The following NBAS variants were observed in gnomAD, a reference collection of about 807,000 sequenced individuals.
NBAS encodes the protein NAG/BC035112 fusion.
A neutral mutation model predicts 302.5 loss-of-function variants in NBAS; 219 were observed. That is an observed-to-expected ratio of 0.72 (90% CI 0.65 to 0.81). The LOEUF (loss-of-function observed/expected upper bound fraction) is 0.81. NBAS is among the 30% of genes least tolerant of loss of function. The pLI, the probability that NBAS is intolerant of heterozygous loss-of-function variation, is 0.00. For synonymous variants in NBAS, 1,118 were observed against 1,021.6 expected, an observed-to-expected ratio of 1.09 and a Z score of -1.80; for missense variants, 2,932 against 2,841.6, an observed-to-expected ratio of 1.03 and a Z score of -0.72.
intron 47 of NBAS, among the ~76,000 whole-genome samples, chr2:15,219,865 C>G (rs1361390489): frequency 6.9e-6 from 1 of 144,350 alleles, no homozygotes; most frequent in African/African-American, 2.6e-5. Context: ...GGGTCGTGGC[C>G]GGGCAGAGGG....
At chr2:15,304,815 A>G (rs1260471062) in intron 40 of NBAS, among the ~76,000 whole-genome samples, 1 of 152,214 alleles carries the variant, frequency 6.6e-6, no homozygotes, top group Non-Finnish European at 1.5e-5. Context: ...AAATCATTCA[A>G]AAGGTGACTT....
the NBAS span, among the ~76,000 whole-genome samples, chr2:14,891,381 G>A: frequency 3.3e-5 from 5 of 151,670 alleles, no homozygotes; most frequent in African/African-American, 7.3e-5. Flanking sequence ...AACATGAAGC[G>A]GATTTTAATT....
intron 9 of NBAS, among the ~76,000 whole-genome samples, chr2:15,518,372 C>T (rs200071586): frequency 7.2e-5 from 11 of 152,020 alleles, no homozygotes; most frequent in African/African-American, 2.7e-4. Flanking sequence ...ATATCATTAG[C>T]GTTATTTGTT....
chr2:15,180,153 A>G (rs939151861), intron 50 of NBAS: 1 of 152,232 alleles, frequency 6.6e-6, no homozygotes, highest in African/African-American at 2.4e-5. Flanking sequence ...ATTATTATAG[A>G]GCATCAATAA....
chr2:15,202,116 C>T (rs1324713749), intron 48 of NBAS, among the ~76,000 whole-genome samples: 1 of 152,180 alleles, frequency 6.6e-6, no homozygotes, highest in African/African-American at 2.4e-5. Context: ...ACTGCAAACA[C>T]CCCTTGGGAT....
At chr2:14,869,163 C>A in the NBAS span, among the ~76,000 whole-genome samples, 1 of 152,162 alleles carries the variant, frequency 6.6e-6, no homozygotes, top group Non-Finnish European at 1.5e-5. Flanking sequence ...CCTCCCAAGA[C>A]AATTTCCTAT....
chr2:15,286,540 C>T (rs768761992), intron 42 of NBAS, among the ~76,000 whole-genome samples: 1 of 152,206 alleles, frequency 6.6e-6, no homozygotes, highest in South Asian at 2.1e-4. Flanking sequence ...CCAACACTGT[C>T]CATTTGTTCC....
intron 16 of NBAS, among the ~76,000 whole-genome samples, chr2:15,472,579 G>C (rs183207967): frequency 7.3e-4 from 110 of 151,436 alleles, no homozygotes; most frequent in African/African-American, 2.4e-3. Context: ...CAGCTCACTG[G>C]CCCCCCCCAG....
the NBAS span, among the ~76,000 whole-genome samples, chr2:14,873,966 G>T: frequency 6.6e-6 from 1 of 151,900 alleles, no homozygotes; most frequent in South Asian, 2.1e-4. Context: ...TGATAAATCA[G>T]CATAACAGAA....
the NBAS span, among the ~76,000 whole-genome samples, chr2:14,938,306 T>G: frequency 6.6e-6 from 1 of 152,172 alleles, no homozygotes; most frequent in Non-Finnish European, 1.5e-5. Context: ...CAGATACATA[T>G]ACATACACAC....
intron 11 of NBAS, among the ~76,000 whole-genome samples, chr2:15,499,719 G>A (rs1681211664): frequency 6.6e-6 from 1 of 152,100 alleles, no homozygotes; most frequent in Non-Finnish European, 1.5e-5. Flanking sequence ...CATGACACAA[G>A]TTTACCTATA....
the NBAS span, among the ~76,000 whole-genome samples, chr2:14,893,409 T>G: frequency 6.6e-6 from 1 of 152,234 alleles, no homozygotes; most frequent in African/African-American, 2.4e-5. Context: ...TTACATTTTC[T>G]AATTCTTTTT....
At chr2:15,218,707 C>G in intron 48 of NBAS, 66 bp downstream of exon 48, 1 of 1,604,526 alleles carries the variant, frequency 6.2e-7, no homozygotes, top group South Asian at 1.1e-5. Context: ...GGATTACAGG[C>G]GTGAGCAACC....
the NBAS span, among the ~76,000 whole-genome samples, chr2:14,887,457 G>A: frequency 6.7e-6 from 1 of 150,084 alleles, no homozygotes; most frequent in African/African-American, 2.5e-5. Context: ...AAGACAGTGT[G>A]TGAGGAGAAG....
intron 35 of NBAS, among the ~76,000 whole-genome samples, chr2:15,336,380 A>G (rs16862506): frequency 0.022 from 3,276 of 152,284 alleles, 125 homozygotes; most frequent in African/African-American, 0.074. Flanking sequence ...GGATCTATAT[A>G]TAGGTGTAAG....
the NBAS span, among the ~76,000 whole-genome samples, chr2:14,933,914 G>T: frequency 6.6e-6 from 1 of 152,048 alleles, no homozygotes; most frequent in African/African-American, 2.4e-5. Flanking sequence ...GTATTCATGT[G>T]GAAGCTAAAC....
At chr2:14,801,100 C>A in the NBAS span, among the ~76,000 whole-genome samples, 1 of 152,036 alleles carries the variant, frequency 6.6e-6, no homozygotes. Flanking sequence ...CTACTGTCAT[C>A]CTTTAACCAA....
intron 11 of NBAS, among the ~76,000 whole-genome samples, chr2:15,491,624 T>C (rs545154352): frequency 3.3e-5 from 5 of 151,590 alleles, no homozygotes; most frequent in African/African-American, 1.2e-4. Context: ...TAGTCCCAAC[T>C]ACTTGGGAGG....
the NBAS span, among the ~76,000 whole-genome samples, chr2:15,085,766 CA>C: frequency 6.6e-6 from 1 of 152,218 alleles, no homozygotes; most frequent in South Asian, 2.1e-4. Flanking sequence ...CTGTGGGCAC[CA>C]GCTCCGATCT....
Sources: gnomAD v4.1 joint callset for allele counts (sites outside exome capture counted in the v4.1 genomes callset) on GRCh38, gnomAD v4.1.1 for gene constraint, MANE v1.5 for transcripts, NCBI Gene and HGNC (gene_info 2026-07-23, HGNC 2026-07-21) for gene names.